GPHN: variants seen among roughly 807,000 people sequenced by gnomAD.
GPHN encodes gephyrin.
A neutral mutation model predicts 95.5 loss-of-function variants in GPHN; 17 were observed. The observed-to-expected ratio is 0.18, with a 90% CI of 0.12 to 0.27. The LOEUF (loss-of-function observed/expected upper bound fraction) is 0.27, where lower values mean the gene tolerates loss of function less well. Ranked by LOEUF, GPHN falls within the 10% of genes least tolerant of loss-of-function variation. The pLI, the probability that GPHN is intolerant of heterozygous loss-of-function variation, is 1.00. For missense variants in GPHN, 660 were observed against 978.1 expected, an observed-to-expected ratio of 0.67 and a Z score of 4.34; for synonymous variants, 320 against 322.5, an observed-to-expected ratio of 0.99 and a Z score of 0.08.
intron 1 of GPHN, among the ~76,000 whole-genome samples, chr14:66,576,896 A>G (rs146214725): frequency 0.013 from 2,037 of 152,320 alleles, 20 homozygotes; most frequent in Middle Eastern, 0.02. Flanking sequence ...TTGAAATAAC[A>G]TTATTCAATT....
At chr14:67,589,831 G>A in the GPHN span, 4 of 1,185,466 alleles carry the variant, frequency 3.4e-6, no homozygotes, top group Non-Finnish European at 3.1e-6. Flanking sequence ...TTGACATACT[G>A]TGTCAAAATT....
chr14:67,237,302 A>G, the GPHN span, among the ~76,000 whole-genome samples: 1 of 152,122 alleles, frequency 6.6e-6, no homozygotes, highest in Non-Finnish European at 1.5e-5. Context: ...GTACTAGTGA[A>G]AGCCAAGTTA....
the GPHN span, chr14:67,729,144 T>C: frequency 6.3e-7 from 1 of 1,592,334 alleles, no homozygotes; most frequent in Non-Finnish European, 8.6e-7. Context: ...GCTGTTTTCC[T>C]GGGCTCAGAG....
chr14:67,569,244 C>A, the GPHN span: 2 of 1,529,678 alleles, frequency 1.3e-6, no homozygotes, highest in African/African-American at 1.4e-5. Flanking sequence ...CTTGGAGGCA[C>A]CAAACACCCA....
chr14:67,097,657 C>T (rs2077467484), intron 12 of GPHN, among the ~76,000 whole-genome samples: 2 of 152,086 alleles, frequency 1.3e-5, no homozygotes, highest in Admixed American at 6.5e-5. Context: ...TCCAGTGTAG[C>T]TCAGGTACTT....
chr14:67,579,839 G>T, the GPHN span: 2 of 1,606,590 alleles, frequency 1.2e-6, no homozygotes, highest in Admixed American at 1.7e-5. Flanking sequence ...GATCCCTCGG[G>T]CAGGGACCTG....
chr14:66,611,501 TCCATAACAA>T (rs2062782891), intron 1 of GPHN, among the ~76,000 whole-genome samples: 1 of 152,152 alleles, frequency 6.6e-6, no homozygotes, highest in Non-Finnish European at 1.5e-5. Context: ...TTATAGTAGT[TCCATAACAA>T]GGTTATTTTT....
intron 1 of GPHN, among the ~76,000 whole-genome samples, chr14:66,512,934 A>G (rs182489706): frequency 1.3e-5 from 2 of 151,890 alleles, no homozygotes; most frequent in African/African-American, 4.8e-5. Context: ...AAGTAGGCAA[A>G]TTACTATTAA....
the GPHN span, chr14:67,561,918 TG>T: frequency 7.1e-7 from 1 of 1,400,998 alleles, no homozygotes; most frequent in Non-Finnish European, 1.0e-6. Flanking sequence ...ACCTGTAGGC[TG>T]GGTGTCCTAA....
At chr14:66,789,306 CCTTACA>C (rs1273756263) in intron 3 of GPHN, among the ~76,000 whole-genome samples, 1 of 152,212 alleles carries the variant, frequency 6.6e-6, no homozygotes, top group Non-Finnish European at 1.5e-5. Context: ...ATCTTACTTT[CCTTACA>C]CTTTGCATGT....
intron 1 of GPHN, among the ~76,000 whole-genome samples, chr14:66,569,432 G>A (rs919588939): frequency 3.3e-5 from 5 of 152,130 alleles, no homozygotes; most frequent in African/African-American, 4.8e-5. Context: ...GGAGGCGGAG[G>A]CAGGCAGATC....
chr14:67,463,804 T>C, the GPHN span, among the ~76,000 whole-genome samples: 1,698 of 152,142 alleles, frequency 0.011, 22 homozygotes, highest in Non-Finnish European at 0.016. Flanking sequence ...TACACCAAAC[T>C]AAGTCTCAGA....
chr14:67,526,872 A>G, the GPHN span, among the ~76,000 whole-genome samples: 1 of 152,008 alleles, frequency 6.6e-6, no homozygotes, highest in East Asian at 1.9e-4. Context: ...CAAAGAGGGG[A>G]GGGCAAAGAG....
At chr14:67,445,522 G>A in the GPHN span, among the ~76,000 whole-genome samples, 1 of 148,938 alleles carries the variant, frequency 6.7e-6, no homozygotes, top group African/African-American at 2.5e-5. Flanking sequence ...AAAACATGCA[G>A]AGAGAAATGA....
chr14:67,103,590 T>G (rs1878486815), intron 13 of GPHN, among the ~76,000 whole-genome samples: 1 of 149,946 alleles, frequency 6.7e-6, no homozygotes, highest in Admixed American at 6.6e-5. Flanking sequence ...TTATACAGAT[T>G]TTTTACCTCT....
chr14:67,599,498 A>G, the GPHN span, among the ~76,000 whole-genome samples: 13 of 152,324 alleles, frequency 8.5e-5, no homozygotes, highest in African/African-American at 3.1e-4. Flanking sequence ...AGGGAGGGTT[A>G]AAAAACTCCC....
the GPHN span, chr14:67,724,719 G>A: frequency 2.6e-6 from 2 of 766,924 alleles, no homozygotes; most frequent in East Asian, 2.7e-5. Flanking sequence ...CAAGGAACCT[G>A]GGATTCAAGT....
At chr14:67,294,413 A>G in the GPHN span, 1 of 152,134 alleles carries the variant, frequency 6.6e-6, no homozygotes, top group Non-Finnish European at 1.5e-5. Flanking sequence ...GGAAAAAAAT[A>G]TCAGCAATCA....
chr14:66,722,965 T>C (rs1451188695), intron 2 of GPHN, among the ~76,000 whole-genome samples: 1 of 152,216 alleles, frequency 6.6e-6, no homozygotes, highest in East Asian at 1.9e-4. Context: ...TCTTTTTCCC[T>C]TAACAAACCC....
Sources: allele counts gnomAD v4.1 joint callset (sites outside exome capture counted in the v4.1 genomes callset), GRCh38; gene constraint gnomAD v4.1.1; transcripts MANE v1.5; gene names NCBI Gene and HGNC (gene_info 2026-07-23, HGNC 2026-07-21).